ARMCX4: variants seen among roughly 807,000 people sequenced by gnomAD.
The protein encoded by ARMCX4 is armadillo repeat-containing X-linked protein 4.
A neutral mutation model predicts 34.7 loss-of-function variants in ARMCX4; 3 were observed. The ratio of observed to expected loss-of-function variants is 0.09; its 90% CI spans 0.04 to 0.22. The LOEUF is 0.22. Among genes scored for constraint, ARMCX4 ranks in the 10% least tolerant of loss-of-function variants. ARMCX4 has a pLI of 1.00. For synonymous variants in ARMCX4, 513 were observed against 632.8 expected, an observed-to-expected ratio of 0.81 and a Z score of 2.84; for missense variants, 1,448 against 1,720.8, an observed-to-expected ratio of 0.84 and a Z score of 2.81.
intron 2 of ARMCX4, among the ~76,000 whole-genome samples, chrX:101,424,886 C>T (rs1929508691): frequency 8.9e-6 from 1 of 111,892 alleles, no homozygotes; most frequent in African/African-American, 3.2e-5. Flanking sequence ...CCTTTGAGAA[C>T]ACCCAAGAGA....
At chrX:101,471,687 G>A (rs1932913042) in intron 4 of ARMCX4, among the ~76,000 whole-genome samples, 1 of 111,494 alleles carries the variant, frequency 9.0e-6, no homozygotes, top group Non-Finnish European at 1.9e-5. Flanking sequence ...GCACCCCCCA[G>A]CAGGGGCACA....
downstream of ARMCX4, among the ~76,000 whole-genome samples, chrX:101,535,565 T>C (rs1935204188): frequency 3.6e-5 from 4 of 111,951 alleles, no homozygotes; most frequent in South Asian, 1.1e-3. Context: ...CATTTTCCTT[T>C]GAGGTTTTCA....
At position 101,493,429 on chromosome X, in the gene ARMCX4, G is replaced by C. The variant is rs1603213822; in HGVS notation, c.4840G>C (p.Ala1614Pro). Residue 1614 changes from alanine (A) to proline (P), a missense_variant, in exon 6 of 6, where the codon GCT (alanine) becomes CCT (proline). Ala to Pro is a conservative substitution (Grantham distance 27). Coordinates refer to ENST00000423738, the MANE Select transcript of ARMCX4 (RefSeq NM_001256155.3). ...CAGTGGAATAGGTTCCTGGGGTGTG[G>C]CTGGTGGCCAGGTCCTTGGGGGAGC... ...QSSGIGSWGV[A>P]GGQVLGGARP... is the part of the protein sequence containing the mutation. 9 of 1,155,495 alleles carry C rather than the reference G, an allele frequency of 7.8e-6. No homozygotes were observed. The highest frequency in any genetic ancestry group is 9.2e-6 in the Non-Finnish European group (8 of 872,754).
At position 101,492,951 on chromosome X, in the gene ARMCX4, G is replaced by T; in HGVS notation, c.4362G>T (p.Gly1454=). The change falls in exon 6 of 6, where the codon GGG becomes GGT. Residue 1454 remains glycine (G), a synonymous_variant. Coordinates refer to ENST00000423738, the MANE Select transcript of ARMCX4 (RefSeq NM_001256155.3). ...QANGGSWTGA[G]HPASVGPKPI... is the part of the protein sequence containing the mutation. ...ATGGAGGGTCCTGGACTGGGGCTGG[G>T]CATCCAGCTAGTGTTGGGCCAAAGC... 5.2e-6 allele frequency: 6 copies of T among 1,155,077 alleles called. No homozygotes were observed. Among genetic ancestry groups the T allele is most frequent in the Non-Finnish European group, 6.9e-6 (6 of 872,150 alleles).
rs781849910 is a variant in ARMCX4 at position 101,515,832 on chromosome X, G to A, written c.*1780+4777G>A. 5.4e-5 allele frequency among the ~76,000 whole-genome samples: 6 copies of A among 110,271 alleles called. No homozygotes were observed. The East Asian group carries it at 1.1e-3, about 21-fold the overall frequency. On this transcript the variant is annotated intron_variant and NMD_transcript_variant, in intron 11 of 12. Transcript: ENST00000354842. ...CTTGGGATTACAGGCGTGAGCCACT[G>A]TGCATGGCCATGTTTTGTGTATTTC...
chrX:101,435,164 T>G (rs1422026263), intron 2 of ARMCX4, among the ~76,000 whole-genome samples: 13 of 111,877 alleles, frequency 1.2e-4, no homozygotes, highest in African/African-American at 1.6e-4. Context: ...GTAATGGGAT[T>G]GCTGGGTCAA....
upstream of ARMCX4, among the ~76,000 whole-genome samples, chrX:101,484,041 G>C (rs1385308123): frequency 8.9e-6 from 1 of 112,042 alleles, no homozygotes; most frequent in Non-Finnish European, 1.9e-5. Flanking sequence ...TGAGGGGCTT[G>C]TATGGGAGGT....
intron 11 of ARMCX4, among the ~76,000 whole-genome samples, chrX:101,520,953 G>A (rs1197038884): frequency 2.0e-5 from 2 of 101,674 alleles, no homozygotes; most frequent in African/African-American, 3.6e-5. Flanking sequence ...TTGAGATGGA[G>A]TTTCGCTTTT....
chrX:101,453,234 A>C (rs181183023), intron 4 of ARMCX4, among the ~76,000 whole-genome samples: 29 of 112,085 alleles, frequency 2.6e-4, no homozygotes, highest in South Asian at 7.4e-4. Context: ...ATTAAATGCC[A>C]AAATGAATAT....
intron 2 of ARMCX4, among the ~76,000 whole-genome samples, chrX:101,432,742 A>ATATACACG (rs1555992475): frequency 3.2e-5 from 2 of 62,969 alleles, no homozygotes; most frequent in African/African-American, 9.1e-5. Context: ...ATATATACGT[A>ATATACACG]TATATATGTG....
At chrX:101,486,276 C>T (rs1260818189) in intron 2 of ARMCX4, among the ~76,000 whole-genome samples, 184 bp downstream of exon 2, 1 of 109,649 alleles carries the variant, frequency 9.1e-6, no homozygotes, top group African/African-American at 3.3e-5. Flanking sequence ...ATGAAGACAG[C>T]AAACTTTTCT....
intron 11 of ARMCX4, among the ~76,000 whole-genome samples, chrX:101,519,931 A>AT (rs1451253614): frequency 4.5e-5 from 5 of 110,728 alleles, no homozygotes; most frequent in Non-Finnish European, 9.5e-5. Context: ...GATGTTGAGC[A>AT]TTTTTTTATA....
intron 11 of ARMCX4, among the ~76,000 whole-genome samples, chrX:101,512,838 AT>A (rs1282072423): frequency 1.4e-5 from 1 of 71,223 alleles, no homozygotes; most frequent in Non-Finnish European, 2.6e-5. Context: ...ACATATATAT[AT>A]GTGTATATAT....
At chrX:101,469,672 T>C (rs1373030444) in intron 4 of ARMCX4, among the ~76,000 whole-genome samples, 2 of 111,599 alleles carry the variant, frequency 1.8e-5, no homozygotes, top group Non-Finnish European at 3.8e-5. Context: ...CAAAACAAGA[T>C]GTAGAATGTT....
At chrX:101,471,092 T>A (rs1932890427) in intron 4 of ARMCX4, among the ~76,000 whole-genome samples, 1 of 112,417 alleles carries the variant, frequency 8.9e-6, no homozygotes, top group Admixed American at 9.4e-5. Flanking sequence ...GGACTAGATA[T>A]CTACCATTGC....
intron 4 of ARMCX4, among the ~76,000 whole-genome samples, chrX:101,458,582 G>A (rs781800708): frequency 2.8e-5 from 3 of 107,727 alleles, no homozygotes; most frequent in Admixed American, 2.0e-4. Context: ...TGCCTCCCGG[G>A]TTCAAGCAAT....
At position 101,524,631 on chromosome X, in the gene ARMCX4, C is replaced by A. The variant is rs782474176; in HGVS notation, c.*1781-7013C>A. ...CCTAATACTGCACTTTTCCAATGGT[C>A]TTAGCAAACGGCACACCAGGAGATT... is the stretch of plus-strand genomic sequence containing the variant. On this transcript the variant is annotated intron_variant and NMD_transcript_variant, in intron 11 of 12. Coordinates refer to the ARMCX4 transcript ENST00000354842. Among the ~76,000 whole-genome samples, 6 of 112,004 alleles carry A rather than the reference C, an allele frequency of 5.4e-5. No individual in the cohort carries two copies. The East Asian group carries it at 1.7e-3, about 32-fold the overall frequency.
rs1170731189 is a variant in ARMCX4 at position 101,494,409 on chromosome X, T to C, written c.5820T>C (p.Ala1940=). Residue 1940 remains alanine (A), a synonymous_variant, in exon 6 of 6, where the codon GCT becomes GCC. Coordinates refer to ENST00000423738, the MANE Select transcript of ARMCX4 (RefSeq NM_001256155.3). ...DNTSIKDKFE[A]AGGVDIGSWF... ...CCAGCATCAAGGATAAGTTTGAGGC[T>C]GCTGGTGGAGTTGATATAGGGTCTT... is the stretch of plus-strand genomic sequence containing the variant. 5.2e-6 allele frequency: 6 copies of C among 1,153,966 alleles called. No homozygotes were observed. In the African/African-American group the frequency reaches 1.1e-4, roughly 21 times the overall value.
chrX:101,527,912 A>G (rs1175188306), intron 11 of ARMCX4, among the ~76,000 whole-genome samples: 1 of 111,766 alleles, frequency 8.9e-6, no homozygotes. Flanking sequence ...ACAAGGAGGA[A>G]CTGGTACCAT....
Sources: gnomAD v4.1 joint callset for allele counts (sites outside exome capture counted in the v4.1 genomes callset) on GRCh38, gnomAD v4.1.1 for gene constraint, MANE v1.5 for transcripts, NCBI Gene and HGNC (gene_info 2026-07-23, HGNC 2026-07-21) for gene names.